Variants in SCHIP1 observed in about 807,000 individuals in gnomAD.
SCHIP1 encodes the protein schwannomin-interacting protein 1.
A neutral mutation model predicts 29.7 loss-of-function variants in SCHIP1; 8 were observed. The observed-to-expected ratio is 0.27, with a 90% CI of 0.16 to 0.49. The LOEUF is 0.49. Among genes scored for constraint, SCHIP1 ranks in the 20% least tolerant of loss-of-function variants. The pLI is 0.99. For synonymous variants in SCHIP1, 76 were observed against 94.9 expected, an observed-to-expected ratio of 0.80 and a Z score of 1.16; for missense variants, 193 against 294.6, an observed-to-expected ratio of 0.66 and a Z score of 2.52.
At chr3:159,784,176 C>T in the SCHIP1 span, among the ~76,000 whole-genome samples, 5 of 152,300 alleles carry the variant, frequency 3.3e-5, no homozygotes, top group South Asian at 2.1e-4. Flanking sequence ...TTCCACCTAC[C>T]GCAATGAAAA....
chr3:159,492,101 T>A, the SCHIP1 span, among the ~76,000 whole-genome samples: 1 of 152,112 alleles, frequency 6.6e-6, no homozygotes, highest in East Asian at 1.9e-4. Flanking sequence ...CCCATCTGTA[T>A]GTCACCATCA....
At chr3:159,428,065 C>T in the SCHIP1 span, among the ~76,000 whole-genome samples, 1 of 151,896 alleles carries the variant, frequency 6.6e-6, no homozygotes, top group Non-Finnish European at 1.5e-5. Context: ...TAAAGACTTA[C>T]ATGTTAGACC....
At chr3:159,864,565 G>T (rs1242099926) in intron 1 of SCHIP1, among the ~76,000 whole-genome samples, 1 of 150,758 alleles carries the variant, frequency 6.6e-6, no homozygotes, top group Non-Finnish European at 1.5e-5. Context: ...GCTAAAAGGG[G>T]GTGCTATATA....
At chr3:159,438,702 C>T in the SCHIP1 span, among the ~76,000 whole-genome samples, 1 of 152,156 alleles carries the variant, frequency 6.6e-6, no homozygotes, top group African/African-American at 2.4e-5. Context: ...CATATTGTCT[C>T]ATCATTCAGC....
the SCHIP1 span, among the ~76,000 whole-genome samples, chr3:159,740,771 G>GAAAAAAA: frequency 2.1e-4 from 22 of 104,908 alleles, 1 homozygote; most frequent in African/African-American, 4.5e-4. Context: ...CAAAAAAAAA[G>GAAAAAAA]AAAAAAAAAA....
the SCHIP1 span, among the ~76,000 whole-genome samples, chr3:159,637,412 CA>C: frequency 1.4e-5 from 2 of 141,058 alleles, no homozygotes; most frequent in African/African-American, 5.8e-5. Flanking sequence ...CACACACACA[CA>C]CACACACACC....
the SCHIP1 span, among the ~76,000 whole-genome samples, chr3:159,540,207 A>C: frequency 6.6e-6 from 1 of 151,986 alleles, no homozygotes; most frequent in Non-Finnish European, 1.5e-5. Context: ...CCTTTTGTAC[A>C]ATATGTAGGC....
chr3:159,408,565 C>A, the SCHIP1 span, among the ~76,000 whole-genome samples: 1 of 152,032 alleles, frequency 6.6e-6, no homozygotes, highest in Non-Finnish European at 1.5e-5. Context: ...AATTGGAAAA[C>A]CTAGAATAAA....
chr3:159,534,421 A>C, the SCHIP1 span, among the ~76,000 whole-genome samples: 3 of 152,176 alleles, frequency 2.0e-5, no homozygotes, highest in Non-Finnish European at 4.4e-5. Flanking sequence ...GTTTTGACTC[A>C]ATAGAAGTTA....
At chr3:159,740,467 G>A in the SCHIP1 span, among the ~76,000 whole-genome samples, 1 of 152,132 alleles carries the variant, frequency 6.6e-6, no homozygotes, top group Non-Finnish European at 1.5e-5. Context: ...GAGGAAAGCA[G>A]GTGCTTGCCA....
At chr3:159,887,653 G>C in intron 3 of SCHIP1, 55 bp from the exon 5 acceptor site, 1 of 1,601,600 alleles carries the variant, frequency 6.2e-7, no homozygotes, top group Non-Finnish European at 8.5e-7. Context: ...CCATCTCTAA[G>C]TGGATGCTAG....
At chr3:159,522,843 C>T in the SCHIP1 span, among the ~76,000 whole-genome samples, 5 of 152,116 alleles carry the variant, frequency 3.3e-5, no homozygotes, top group East Asian at 3.9e-4. Context: ...CACTCCAGCC[C>T]GGCGACAGAG....
chr3:159,648,438 T>C, the SCHIP1 span, among the ~76,000 whole-genome samples: 3 of 152,160 alleles, frequency 2.0e-5, no homozygotes, highest in Non-Finnish European at 4.4e-5. Flanking sequence ...AGGACAATAA[T>C]GCCTACCTTA....
the SCHIP1 span, among the ~76,000 whole-genome samples, chr3:159,279,032 A>T: frequency 6.6e-6 from 1 of 152,138 alleles, no homozygotes; most frequent in Non-Finnish European, 1.5e-5. Flanking sequence ...CCCATTCTGA[A>T]AGAGGCACAC....
the SCHIP1 span, among the ~76,000 whole-genome samples, chr3:159,596,205 C>A: frequency 6.6e-6 from 1 of 152,144 alleles, no homozygotes; most frequent in Non-Finnish European, 1.5e-5. Context: ...AAAATGCTCA[C>A]CATCACTGGC....
At chr3:159,351,661 C>T in the SCHIP1 span, among the ~76,000 whole-genome samples, 5 of 152,090 alleles carry the variant, frequency 3.3e-5, no homozygotes, top group Non-Finnish European at 7.4e-5. Context: ...GATCAAATTG[C>T]AAGATAAGTT....
At chr3:159,703,498 T>C in the SCHIP1 span, among the ~76,000 whole-genome samples, 91 of 152,178 alleles carry the variant, frequency 6.0e-4, no homozygotes, top group Admixed American at 9.8e-4. Flanking sequence ...AACTGCAGAA[T>C]TGAACTAGAG....
the SCHIP1 span, among the ~76,000 whole-genome samples, chr3:159,391,181 T>C: frequency 6.6e-6 from 1 of 152,212 alleles, no homozygotes; most frequent in Non-Finnish European, 1.5e-5. Context: ...GACATGTTTC[T>C]ACTGCCAACA....
chr3:159,384,030 G>A, the SCHIP1 span, among the ~76,000 whole-genome samples: 222 of 151,590 alleles, frequency 1.5e-3, 1 homozygote, highest in African/African-American at 5.2e-3. Flanking sequence ...GGGTTTTCTA[G>A]ATATACAATC....
Sources: gnomAD v4.1 joint callset for allele counts (sites outside exome capture counted in the v4.1 genomes callset) on GRCh38, gnomAD v4.1.1 for gene constraint, MANE v1.5 for transcripts, NCBI Gene and HGNC (gene_info 2026-07-23, HGNC 2026-07-21) for gene names.